The following PPP2R2B variants were observed in gnomAD, a reference collection of about 807,000 sequenced individuals.
PPP2R2B encodes protein phosphatase 2 regulatory subunit Bbeta, also known as serine/threonine-protein phosphatase 2A 55 kDa regulatory subunit B beta isoform.
A neutral mutation model predicts 46.0 loss-of-function variants in PPP2R2B; 5 were observed. The observed-to-expected ratio is 0.11, with a 90% CI of 0.06 to 0.23. The LOEUF (loss-of-function observed/expected upper bound fraction) is 0.23, where lower values mean the gene tolerates loss of function less well. Ranked by LOEUF, PPP2R2B falls within the 10% of genes least tolerant of loss-of-function variation. The probability of loss-of-function intolerance (pLI) is 1.00; values close to 1 mark genes in which losing one functional copy is unlikely to be tolerated. For synonymous variants in PPP2R2B, 215 were observed against 206.7 expected (o/e 1.04, Z -0.34); for missense variants, 367 against 575.0 (o/e 0.64, Z 3.70).
intron 2 of PPP2R2B, among the ~76,000 whole-genome samples, chr5:147,075,604 G>T (rs1757739751): frequency 6.6e-6 from 1 of 152,086 alleles, no homozygotes; most frequent in Non-Finnish European, 1.5e-5. Flanking sequence ...TGTTCAAAAT[G>T]AAGCTCATGA....
At chr5:147,081,421 C>A (rs775850759) in exon 1 of PPP2R2B, 37 of 937,518 alleles carry the variant, frequency 3.9e-5, no homozygotes, top group Admixed American at 3.9e-4. Flanking sequence ...CAGGCCCTGG[C>A]AGCGTCCTGG....
In PPP2R2B at chr5:146,586,395, A is replaced by T. The variant is rs1217041155; in HGVS notation, c.*3552T>A. On this transcript the variant is annotated 3_prime_UTR_variant, in exon 10 of 10. Transcript: ENST00000394411. ...AGCCCTGCAGGCAGCTAGCAAAGGG[A>T]CTGAAAAAGAAATGAGGCCTGGGGT... The T allele has an allele frequency of 6.6e-6, 1 of 152,196 alleles. No homozygotes were observed. Among genetic ancestry groups the T allele is most frequent in the Non-Finnish European group, 1.5e-5 (1 of 68,060 alleles). 9.4% of individuals were successfully genotyped at this position (152,196 alleles called of 1,614,324 possible). A position where few individuals can be genotyped will look rare whatever the true frequency, so the allele number is the denominator to read the frequency against.
At chr5:147,016,554 G>A (rs111861609) in intron 1 of PPP2R2B, among the ~76,000 whole-genome samples, 1 of 149,452 alleles carries the variant, frequency 6.7e-6, no homozygotes, top group Non-Finnish European at 1.5e-5. Flanking sequence ...GAAAACATAG[G>A]GGACACAGTC....
chr5:146,946,053 C>A (rs1037948061), intron 1 of PPP2R2B, among the ~76,000 whole-genome samples: 9 of 152,084 alleles, frequency 5.9e-5, no homozygotes, highest in Non-Finnish European at 1.3e-4. Flanking sequence ...AGTTTTTGAG[C>A]CAAGCCAGCC....
At chr5:146,807,885 C>T (rs556577813) in intron 2 of PPP2R2B, among the ~76,000 whole-genome samples, 17 of 145,070 alleles carry the variant, frequency 1.2e-4, no homozygotes, top group Middle Eastern at 4.0e-3. Flanking sequence ...CTGCAACCTC[C>T]GCCTGGTGGG....
At chr5:146,636,866 C>T in intron 7 of PPP2R2B, among the ~76,000 whole-genome samples, 1 of 152,180 alleles carries the variant, frequency 6.6e-6, no homozygotes, top group Non-Finnish European at 1.5e-5. Flanking sequence ...ACTTTAGTAA[C>T]TTCAGAATTT....
At chr5:146,912,397 G>C (rs894771170) in intron 1 of PPP2R2B, among the ~76,000 whole-genome samples, 2 of 152,174 alleles carry the variant, frequency 1.3e-5, no homozygotes, top group African/African-American at 4.8e-5. Context: ...ATGAAGAGTA[G>C]TGGGGAGAGA....
In PPP2R2B at chr5:146,915,838, C is replaced by CA. The variant is rs545090881; in HGVS notation, c.79+139826dup. The stretch of plus-strand genomic sequence containing the variant: ...AATATTTAAAAATCATTAACCAAGA[C>CA]AAAAAAAATCAATTTCAACACTGTT... On this transcript the variant is annotated intron_variant, in intron 1 of 8. Coordinates refer to the PPP2R2B transcript ENST00000336640. Among the ~76,000 whole-genome samples the CA allele has an allele frequency of 2.5e-3, 376 of 151,918 alleles. 1 individual carries two copies. Among genetic ancestry groups the CA allele is most frequent in the African/African-American group, 8.4e-3 (350 of 41,446 alleles).
intron 1 of PPP2R2B, among the ~76,000 whole-genome samples, chr5:146,951,224 G>A (rs768995113): frequency 6.6e-6 from 1 of 151,738 alleles, no homozygotes; most frequent in Non-Finnish European, 1.5e-5. Context: ...ATATACAATA[G>A]AATGTATGCA....
chr5:146,815,111 T>A (rs965759915), intron 2 of PPP2R2B, among the ~76,000 whole-genome samples: 1 of 152,202 alleles, frequency 6.6e-6, no homozygotes, highest in Non-Finnish European at 1.5e-5. Context: ...GGAATCTCCT[T>A]CATATCATCC....
intron 2 of PPP2R2B, among the ~76,000 whole-genome samples, chr5:147,063,919 A>G (rs1290519110): frequency 6.6e-6 from 1 of 152,202 alleles, no homozygotes; most frequent in East Asian, 1.9e-4. Context: ...TCAAGAAAAC[A>G]CTTTTAACTC....
At chr5:146,652,057 A>C (rs1775999781) in intron 5 of PPP2R2B, among the ~76,000 whole-genome samples, 2 of 152,160 alleles carry the variant, frequency 1.3e-5, no homozygotes. Flanking sequence ...GGTCCTCTGA[A>C]TACTAGGAAA....
chr5:146,894,725 C>T (rs537982167), intron 1 of PPP2R2B, among the ~76,000 whole-genome samples: 1 of 152,302 alleles, frequency 6.6e-6, no homozygotes, highest in African/African-American at 2.4e-5. Context: ...CAGGCATGAG[C>T]CACCACACCT....
At chr5:146,917,832 A>C (rs1409249223) in intron 1 of PPP2R2B, 1 of 152,172 alleles carries the variant, frequency 6.6e-6, no homozygotes, top group African/African-American at 2.4e-5. Flanking sequence ...CCTTTTACTG[A>C]GTCCTGTTGT....
At chr5:146,722,850 G>C (rs1051214876) in intron 2 of PPP2R2B, among the ~76,000 whole-genome samples, 2 of 152,094 alleles carry the variant, frequency 1.3e-5, no homozygotes, top group Non-Finnish European at 1.5e-5. Flanking sequence ...TACTAAGTCT[G>C]GCCATTTCTT....
intron 1 of PPP2R2B, among the ~76,000 whole-genome samples, chr5:147,036,071 T>G (rs572536790): frequency 3.3e-5 from 5 of 152,286 alleles, no homozygotes; most frequent in African/African-American, 7.2e-5. Context: ...TAGGTAAACG[T>G]GTACCATGGT....
At chr5:146,850,987 G>T (rs1040044483) in intron 2 of PPP2R2B, among the ~76,000 whole-genome samples, 4 of 152,072 alleles carry the variant, frequency 2.6e-5, no homozygotes, top group African/African-American at 9.7e-5. Context: ...AATTTGATTG[G>T]TCACCCCAAG....
intron 7 of PPP2R2B, among the ~76,000 whole-genome samples, chr5:146,623,187 A>G (rs557303616): frequency 4.6e-5 from 7 of 152,368 alleles, no homozygotes; most frequent in African/African-American, 7.2e-5. Flanking sequence ...GATTCTCAAT[A>G]AACAGAAACT....
intron 1 of PPP2R2B, among the ~76,000 whole-genome samples, chr5:146,937,521 G>A (rs917040383): frequency 6.6e-6 from 1 of 152,082 alleles, no homozygotes; most frequent in African/African-American, 2.4e-5. Flanking sequence ...CAGAGAGGAG[G>A]GGCTTTTGAC....
Sources: gnomAD v4.1 joint callset for allele counts (sites outside exome capture counted in the v4.1 genomes callset) on GRCh38, gnomAD v4.1.1 for gene constraint, MANE v1.5 for transcripts, NCBI Gene and HGNC (gene_info 2026-07-23, HGNC 2026-07-21) for gene names.